Variants in SAMD4A observed in about 807,000 individuals in gnomAD.
SAMD4A encodes protein Smaug homolog 1.
SAMD4A carries 33 observed loss-of-function variants against 81.3 expected under a neutral mutation model. The ratio of observed to expected loss-of-function variants is 0.41; its 90% confidence interval spans 0.31 to 0.54. SAMD4A has a LOEUF of 0.54. Among genes scored for constraint, SAMD4A ranks in the 20% least tolerant of loss-of-function variants. The probability of loss-of-function intolerance (pLI) is 0.37; values close to 1 mark genes in which losing one functional copy is unlikely to be tolerated. For synonymous variants in SAMD4A, 389 were observed against 382.1 expected (o/e 1.02, Z -0.21); for missense variants, 854 against 951.1 (o/e 0.90, Z 1.34).
intron 2 of SAMD4A, among the ~76,000 whole-genome samples, chr14:54,684,522 G>A (rs576425300): frequency 7.2e-5 from 11 of 152,248 alleles, no homozygotes; most frequent in Admixed American, 3.9e-4. Flanking sequence ...CCTGCACACC[G>A]TACCATGAAG....
chr14:54,605,915 G>A (rs1438057477), intron 2 of SAMD4A, among the ~76,000 whole-genome samples: 1 of 151,970 alleles, frequency 6.6e-6, no homozygotes, highest in East Asian at 1.9e-4. Flanking sequence ...TTTACAACAT[G>A]CTTGCTAAAT....
Position 54,610,975 on chromosome 14 carries a change from G to A in SAMD4A, c.196+42863G>A, listed in dbSNP as rs1594731476. ...TCTGAGGTTTCACCTAATGATGATAGTGATCAAAATCCTGCATGATCATCA... is the reference window on the plus strand; with the variant it reads ...TCTGAGGTTTCACCTAATGATGATAATGATCAAAATCCTGCATGATCATCA... On this transcript the variant is annotated intron_variant, in intron 2 of 12. Coordinates refer to ENST00000554335, the MANE Select transcript of SAMD4A (RefSeq NM_015589.6). Among the ~76,000 whole-genome samples, 7 of 152,284 alleles carry A rather than the reference G, an allele frequency of 4.6e-5. No homozygotes were observed. In the South Asian group the frequency reaches 1.5e-3, roughly 32 times the overall value.
At chr14:54,578,920 A>G (rs2033386572) in intron 2 of SAMD4A, among the ~76,000 whole-genome samples, 1 of 152,134 alleles carries the variant, frequency 6.6e-6, no homozygotes, top group East Asian at 1.9e-4. Flanking sequence ...TAATGAAGTG[A>G]ATTGAATCTT....
chr14:54,683,938 C>T (rs565593653), intron 2 of SAMD4A, among the ~76,000 whole-genome samples: 1 of 152,186 alleles, frequency 6.6e-6, no homozygotes, highest in Admixed American at 6.5e-5. Flanking sequence ...CAAAATATTG[C>T]CATAGAAAAG....
chr14:54,604,467 C>T (rs570250975), intron 2 of SAMD4A, among the ~76,000 whole-genome samples: 3 of 152,164 alleles, frequency 2.0e-5, no homozygotes, highest in Non-Finnish European at 2.9e-5. Context: ...ATCACTCTTC[C>T]GCAATACAAA....
intron 9 of SAMD4A, among the ~76,000 whole-genome samples, chr14:54,770,993 A>C (rs2038688237): frequency 6.6e-6 from 1 of 151,892 alleles, no homozygotes; most frequent in South Asian, 2.1e-4. Flanking sequence ...TGAGCAGATA[A>C]TTTCTTCACT....
chr14:54,685,274 G>GCC (rs11323277), intron 2 of SAMD4A, among the ~76,000 whole-genome samples: 2,497 of 139,650 alleles, frequency 0.018, 73 homozygotes, highest in East Asian at 0.044. Context: ...CATTCTTCCT[G>GCC]CCCCCCCCCC....
chr14:54,614,768 AAGT>A (rs2034450775), intron 2 of SAMD4A, among the ~76,000 whole-genome samples: 1 of 152,156 alleles, frequency 6.6e-6, no homozygotes, highest in African/African-American at 2.4e-5. Flanking sequence ...ATAAAGGCCA[AAGT>A]ACCCACTTCC....
intron 2 of SAMD4A, among the ~76,000 whole-genome samples, chr14:54,584,344 A>C (rs924597958): frequency 1.3e-5 from 2 of 152,204 alleles, no homozygotes; most frequent in Non-Finnish European, 2.9e-5. Context: ...TTTGCAGATA[A>C]GACATAGCAG....
At chr14:54,765,550 C>G (rs550748116) in intron 8 of SAMD4A, among the ~76,000 whole-genome samples, 1 of 152,038 alleles carries the variant, frequency 6.6e-6, no homozygotes, top group African/African-American at 2.4e-5. Context: ...TGGCTTGAGC[C>G]CAGGTGGCCA....
intron 11 of SAMD4A, among the ~76,000 whole-genome samples, chr14:54,777,861 AAATATAAC>A (rs1333100678): frequency 1.3e-5 from 2 of 152,210 alleles, no homozygotes; most frequent in Non-Finnish European, 2.9e-5. Flanking sequence ...TTATGCACCA[AAATATAAC>A]AATATAATTA....
intron 2 of SAMD4A, among the ~76,000 whole-genome samples, chr14:54,634,800 T>C (rs574206455): frequency 2.0e-5 from 3 of 152,200 alleles, no homozygotes; most frequent in African/African-American, 7.2e-5. Flanking sequence ...TGTGAAATAG[T>C]GTGAATATAC....
chr14:54,708,455 A>C (rs1322543044), intron 3 of SAMD4A, among the ~76,000 whole-genome samples: 1 of 152,200 alleles, frequency 6.6e-6, no homozygotes. Context: ...GAAGTGGTCT[A>C]AAATAGACAT....
chr14:54,695,739 G>A (rs1336054250), intron 2 of SAMD4A, among the ~76,000 whole-genome samples: 2 of 151,994 alleles, frequency 1.3e-5, no homozygotes, highest in Non-Finnish European at 2.9e-5. Context: ...TGGATCATGA[G>A]GTCAGGAGTT....
At chr14:54,596,227 G>A (rs1031221243) in intron 2 of SAMD4A, among the ~76,000 whole-genome samples, 15 of 152,152 alleles carry the variant, frequency 9.9e-5, no homozygotes, top group African/African-American at 3.4e-4. Flanking sequence ...AAATCAACAC[G>A]AGTTGGCAAA....
intron 2 of SAMD4A, among the ~76,000 whole-genome samples, chr14:54,612,422 AT>A (rs1390388436): frequency 1.3e-5 from 2 of 152,100 alleles, no homozygotes; most frequent in Non-Finnish European, 2.9e-5. Flanking sequence ...GCTATTATTA[AT>A]TTGATTTCTT....
chr14:54,663,519 T>C (rs2035689039), intron 2 of SAMD4A, among the ~76,000 whole-genome samples: 1 of 152,222 alleles, frequency 6.6e-6, no homozygotes, highest in African/African-American at 2.4e-5. Context: ...TTCCTTATAA[T>C]TTTTCTCTAC....
At chr14:54,709,057 G>A (rs899287337) in intron 3 of SAMD4A, among the ~76,000 whole-genome samples, 5 of 152,208 alleles carry the variant, frequency 3.3e-5, no homozygotes, top group African/African-American at 1.2e-4. Flanking sequence ...CAGGCAGATC[G>A]CATAAGCTCA....
At chr14:54,784,971 A>T (rs927896305) in intron 12 of SAMD4A, among the ~76,000 whole-genome samples, 11 of 152,244 alleles carry the variant, frequency 7.2e-5, no homozygotes, top group Non-Finnish European at 1.5e-4. Context: ...AGTCAGGGAC[A>T]TGAGACATGG....
Sources: allele counts gnomAD v4.1 joint callset (sites outside exome capture counted in the v4.1 genomes callset), GRCh38; gene constraint gnomAD v4.1.1; transcripts MANE v1.5; gene names NCBI Gene and HGNC (gene_info 2026-07-23, HGNC 2026-07-21).